CRAT: variants seen among roughly 807,000 people sequenced by gnomAD.
The protein encoded by CRAT is carnitine acetylase.
CRAT carries 66 observed loss-of-function variants against 73.7 expected under a neutral mutation model. That is an observed-to-expected ratio of 0.90 (90% CI 0.73 to 1.10). CRAT has a LOEUF of 1.10. Among genes scored for constraint, CRAT ranks in the 50% least tolerant of loss-of-function variants. The probability of loss-of-function intolerance (pLI) is 0.00; values close to 1 mark genes in which losing one functional copy is unlikely to be tolerated. For synonymous variants in CRAT, 321 were observed against 343.2 expected, an observed-to-expected ratio of 0.94 and a Z score of 0.71; for missense variants, 745 against 846.9, an observed-to-expected ratio of 0.88 and a Z score of 1.49.
At position 129,110,443 on chromosome 9, in the gene CRAT, G is replaced by GCCGT; in HGVS notation, c.27+36_27+39dup. 11 of 1,536,844 alleles carry GCCGT rather than the reference G, an allele frequency of 7.2e-6. No homozygotes were observed. Among genetic ancestry groups the GCCGT allele is most frequent in the Non-Finnish European group, 9.6e-6 (11 of 1,149,598 alleles). On this transcript the variant is annotated intron_variant, in intron 1 of 13. Coordinates refer to ENST00000318080, the MANE Select transcript of CRAT (RefSeq NM_000755.5). This position sits in a 1 kb window ranked among gnomAD's most constrained non-coding sequence, Gnocchi z 5.3. ...GGACGCAACCGCACGGCCCGCCCAGGCCGTCCAGGGCCCTCAGGCCCGGGA... is the reference window on the plus strand; with the variant it reads ...GGACGCAACCGCACGGCCCGCCCAGGCCGTCCGTCCAGGGCCCTCAGGCCCGGGA...
chr9:129,110,422 G>A lies in CRAT; in HGVS notation c.27+61C>T, dbSNP rs1848350551. The A allele has an allele frequency of 2.0e-6, 3 of 1,484,078 alleles. No homozygotes were observed. The highest frequency in any genetic ancestry group is 1.5e-5 in the African/African-American group (1 of 68,566). The allele number at this position is 1,484,078 out of a possible 1,614,324, so 91.9% of individuals were successfully genotyped here. A position where few individuals can be genotyped will look rare whatever the true frequency, so the allele number is the denominator to read the frequency against. ...CAGGACGCGGTCTCCGTTCCCGGACGCAACCGCACGGCCCGCCCAGGCCGT... is the reference window on the plus strand; with the variant it reads ...CAGGACGCGGTCTCCGTTCCCGGACACAACCGCACGGCCCGCCCAGGCCGT... On this transcript the variant is annotated intron_variant, in intron 1 of 13. Coordinates refer to ENST00000318080, the MANE Select transcript of CRAT (RefSeq NM_000755.5). This position sits in a 1 kb window ranked among gnomAD's most constrained non-coding sequence, Gnocchi z 5.3.
chr9:129,101,772 C>T, intron 6 of CRAT, 111 bp downstream of exon 6: 1 of 1,322,690 alleles, frequency 7.6e-7, no homozygotes, highest in Non-Finnish European at 1.0e-6. Flanking sequence ...TGTCTCTTCT[C>T]ATTCCTTTGT....
At position 129,098,389 on chromosome 9, in the gene CRAT, G is replaced by C. The variant is rs1286723142; in HGVS notation, c.1206-18C>G. ...GGATCATGCTGGGGGTGTGGGAAGAGCAGGTGAGGAGCAGGCCCCGGCAGC... is the reference window on the plus strand; with the variant it reads ...GGATCATGCTGGGGGTGTGGGAAGACCAGGTGAGGAGCAGGCCCCGGCAGC... On this transcript the variant is annotated intron_variant, in intron 9 of 13. Coordinates refer to ENST00000318080, the MANE Select transcript of CRAT (RefSeq NM_000755.5). 9 of 1,612,506 alleles carry C rather than the reference G, an allele frequency of 5.6e-6. No individual in the cohort carries two copies. Among genetic ancestry groups the C allele is most frequent in the Non-Finnish European group, 7.6e-6 (9 of 1,179,258 alleles).
chr9:129,102,055 A>T lies in CRAT; in HGVS notation c.633T>A (p.Phe211Leu). The change falls in exon 6 of 14, where the codon TTT becomes TTA. Residue 211 changes from phenylalanine (F) to leucine (L), a missense_variant and splice_region_variant. Phe to Leu is a conservative substitution (Grantham distance 22). Transcript: ENST00000318080. ...CACTGTGGTACACATCCAGCTCAAA[A>T]AACTGTTGGGGCACAGGCAGGTAAG... is the stretch of plus-strand genomic sequence containing the variant. ...THITVVHNYQFFELDVYHSDG... is the reference protein window; with the variant it reads ...THITVVHNYQLFELDVYHSDG... 1 of 1,613,750 alleles carries T rather than the reference A, an allele frequency of 6.2e-7. No homozygotes were observed. Among genetic ancestry groups the T allele is most frequent in the Non-Finnish European group, 8.5e-7 (1 of 1,179,828 alleles).
Position 129,098,138 on chromosome 9 carries a change from G to A in CRAT, c.1339C>T (p.Gln447Ter), listed in dbSNP as rs1847405659. Residue 447 changes from glutamine (Q) to a stop codon, truncating the protein, a stop_gained, in exon 11 of 14, where the codon CAG becomes TAG. Coordinates refer to ENST00000318080, the MANE Select transcript of CRAT (RefSeq NM_000755.5). LOFTEE classifies it high-confidence loss of function. ...LQLAYYRIYG[Q>*]ACATYESASL... ...GCACTTTCATAGGTGGCACATGCCT[G>A]TCCGTAGATCCTGGTGGGAAATGGG... 6.2e-7 allele frequency: 1 copy of A among 1,613,816 alleles called. No homozygotes were observed. Among genetic ancestry groups the A allele is most frequent in the Non-Finnish European group, 8.5e-7 (1 of 1,180,024 alleles).
chr9:129,109,352 C>T lies in CRAT; in HGVS notation c.27+1131G>A. 4 of 1,148,968 alleles carry T rather than the reference C, an allele frequency of 3.5e-6. No individual in the cohort carries two copies. In the South Asian group the frequency reaches 5.2e-5, roughly 15 times the overall value. 71.2% of individuals were successfully genotyped at this position (1,148,968 alleles called of 1,614,324 possible). A position where few individuals can be genotyped will look rare whatever the true frequency, so the allele number is the denominator to read the frequency against. Reference sequence around the variant, plus strand: ...GTGGATGGGACAGCCAGAAGCCCTGCCTATTTCCTGTTTCTCTCCAGGACT... The same window carrying T: ...GTGGATGGGACAGCCAGAAGCCCTGTCTATTTCCTGTTTCTCTCCAGGACT... On this transcript the variant is annotated intron_variant, in intron 1 of 13. Coordinates refer to ENST00000318080, the MANE Select transcript of CRAT (RefSeq NM_000755.5).
chr9:129,101,677 A>G (rs1039123068), intron 6 of CRAT, among the ~76,000 whole-genome samples: 1 of 152,226 alleles, frequency 6.6e-6, no homozygotes, highest in African/African-American at 2.4e-5. Context: ...ACTGCACTCA[A>G]TAGTGTGGAG....
At chr9:129,102,198 C>T (rs1484903114) in intron 5 of CRAT, 141 bp from the exon 6 acceptor site, 3 of 1,183,360 alleles carry the variant, frequency 2.5e-6, no homozygotes, top group African/African-American at 3.1e-5. Context: ...GGGAGGAGGT[C>T]CTTGGATCAC....
At chr9:129,097,972 G>C in intron 11 of CRAT, 41 bp downstream of exon 11, 1 of 1,602,336 alleles carries the variant, frequency 6.2e-7, no homozygotes, top group Non-Finnish European at 8.5e-7. Flanking sequence ...GGAGGGAGGG[G>C]CTCAGGCCCA....
Position 129,102,519 on chromosome 9 carries a change from T to G in CRAT, c.511A>C (p.Asn171His), listed in dbSNP as rs1164741456. The G allele has an allele frequency of 1.9e-6, 3 of 1,614,096 alleles. No individual in the cohort carries two copies. The highest frequency in any genetic ancestry group is 1.7e-6 in the Non-Finnish European group (2 of 1,179,976). Residue 171 changes from asparagine (N) to histidine (H), a missense_variant, in exon 5 of 14, where the codon AAC becomes CAC. Asn to His is a moderately conservative substitution (Grantham distance 68). Coordinates refer to ENST00000318080, the MANE Select transcript of CRAT (RefSeq NM_000755.5). ...EYLGGKPLCM[N>H]QYYQILSSCR... ...GAGGACAAGATCTGATAGTACTGGT[T>G]CATGCACAGTGGCTTCCCCCCCAGG...
At position 129,106,863 on chromosome 9, in the gene CRAT, C is replaced by T. The variant is rs1848049374; in HGVS notation, c.291+951G>A. On this transcript the variant is annotated intron_variant, in intron 2 of 13. Transcript: ENST00000318080. This position sits in a 1 kb window ranked among gnomAD's most constrained non-coding sequence, Gnocchi z 4.0. ...CGACTTGGCAAATTCCACCCGTGCC[C>T]CCACCTCATTGGCAAGTGACACTGG... is the stretch of plus-strand genomic sequence containing the variant. Among the ~76,000 whole-genome samples, 1 of 152,156 alleles carries T rather than the reference C, an allele frequency of 6.6e-6. No individual in the cohort carries two copies. Among genetic ancestry groups the T allele is most frequent in the Non-Finnish European group, 1.5e-5 (1 of 68,012 alleles).
intron 5 of CRAT, 65 bp from the exon 6 acceptor site, chr9:129,102,122 CT>C: frequency 1.3e-6 from 2 of 1,526,172 alleles, no homozygotes; most frequent in Non-Finnish European, 1.8e-6. Context: ...GAGCAGCCAC[CT>C]CCCCACACCT....
chr9:129,108,738 G>A lies in CRAT; in HGVS notation c.28-661C>T, dbSNP rs527623989. The stretch of plus-strand genomic sequence containing the variant: ...GAGGCTGCTCTTGCAGTGGGCAGGC[G>A]AGTGGCAGGAGCTCTGTTCCATACC... On this transcript the variant is annotated intron_variant, in intron 1 of 13. Transcript: ENST00000318080. 7.5e-5 allele frequency: 98 copies of A among 1,304,030 alleles called. No homozygotes were observed. The African/African-American group carries it at 1.2e-3, about 16-fold the overall frequency. 80.8% of individuals were successfully genotyped at this position (1,304,030 alleles called of 1,614,324 possible). A position where few individuals can be genotyped will look rare whatever the true frequency, so the allele number is the denominator to read the frequency against.
intron 1 of CRAT, among the ~76,000 whole-genome samples, chr9:129,109,732 CT>C (rs1243225783): frequency 1.3e-5 from 2 of 152,182 alleles, no homozygotes; most frequent in African/African-American, 4.8e-5. Flanking sequence ...CCTCCGCCCT[CT>C]GGCCCCGTAG....
intron 1 of CRAT, chr9:129,108,904 C>T (rs546882499): frequency 1.6e-6 from 2 of 1,289,160 alleles, no homozygotes; most frequent in Non-Finnish European, 2.0e-6. Flanking sequence ...CTTGCCTGGG[C>T]TGGAAAGAGA....
At position 129,096,015 on chromosome 9, in the gene CRAT, GGAA is replaced by G. The variant is rs774692110; in HGVS notation, c.1645_1647del (p.Phe549del). 5.0e-6 allele frequency: 8 copies of G among 1,614,014 alleles called. No homozygotes were observed. The South Asian group carries it at 7.7e-5, about 16-fold the overall frequency. On this transcript the variant is annotated inframe_deletion, in exon 13 of 14. Coordinates refer to ENST00000318080, the MANE Select transcript of CRAT (RefSeq NM_000755.5). ...TGGCCCACCTGGCTGGTGGAGAGGTGGAAGTGCATGGCGATGGCGTAGGAGGTG... is the reference window on the plus strand; with the variant it reads ...TGGCCCACCTGGCTGGTGGAGAGGTGGTGCATGGCGATGGCGTAGGAGGTG...
At chr9:129,101,228 C>A (rs528611878) in intron 6 of CRAT, among the ~76,000 whole-genome samples, 1 of 152,360 alleles carries the variant, frequency 6.6e-6, no homozygotes, top group South Asian at 2.1e-4. Flanking sequence ...TGAGAGGATG[C>A]AGCGGGAAAC....
rs1470292508 is a variant in CRAT, at chr9:129,107,902, T to A, written c.203A>T (p.Gln68Leu). ...VSEEEWAHTK[Q>L]LVDEFQASGG... ...TGAGGCCTGAAACTCATCCACCAGCTGCTTGGTGTGGGCCCACTCCTCCTC... is the reference window on the plus strand; with the variant it reads ...TGAGGCCTGAAACTCATCCACCAGCAGCTTGGTGTGGGCCCACTCCTCCTC... The change falls in exon 2 of 14, where the codon CAG (glutamine) becomes CTG (leucine). Residue 68 changes from glutamine (Q) to leucine (L), a missense_variant. Coordinates refer to ENST00000318080, the MANE Select transcript of CRAT (RefSeq NM_000755.5). The surrounding 1 kb of genome is among the most constrained non-coding windows in gnomAD (Gnocchi z 5.0). 6.2e-7 allele frequency: 1 copy of A among 1,611,554 alleles called. No individual in the cohort carries two copies. Among genetic ancestry groups the A allele is most frequent in the Admixed American group, 1.7e-5 (1 of 60,010 alleles).
intron 3 of CRAT, among the ~76,000 whole-genome samples, 168 bp downstream of exon 3, chr9:129,104,020 G>A (rs1847843708): frequency 6.6e-6 from 1 of 152,314 alleles, no homozygotes; most frequent in East Asian, 1.9e-4. Context: ...TCCCTTCCCT[G>A]CTCCGAGCCT....
Sources: gnomAD v4.1 joint callset for allele counts (sites outside exome capture counted in the v4.1 genomes callset) on GRCh38, gnomAD v4.1.1 for gene constraint, Gnocchi (gnomAD v3.1) non-coding constraint, MANE v1.5 for transcripts, NCBI Gene and HGNC (gene_info 2026-07-23, HGNC 2026-07-21) for gene names.